The following HIP1 variants were observed in gnomAD, a reference collection of about 807,000 sequenced individuals.
HIP1 encodes huntingtin interacting protein 1.
Under a neutral mutation model 147.6 loss-of-function variants are expected in HIP1, and 65 were observed. That is an observed-to-expected ratio of 0.44 (90% confidence interval 0.36 to 0.54). HIP1 has a LOEUF of 0.54. Among genes scored for constraint, HIP1 ranks in the 20% least tolerant of loss-of-function variants. The pLI is 0.00. For missense variants in HIP1, 1,061 were observed against 1,299.6 expected, an observed-to-expected ratio of 0.82 and a Z score of 2.82; for synonymous variants, 479 against 504.0, an observed-to-expected ratio of 0.95 and a Z score of 0.67.
chr7:75,592,228 G>GA, intron 3 of HIP1, 116 bp from the exon 4 acceptor site: 1 of 1,369,216 alleles, frequency 7.3e-7, no homozygotes, highest in African/African-American at 1.4e-5. Flanking sequence ...TGATGGGAGG[G>GA]AGACTCACCC....
At chr7:75,609,787 A>G (rs2117050268) in intron 1 of HIP1, among the ~76,000 whole-genome samples, 1 of 151,140 alleles carries the variant, frequency 6.6e-6, no homozygotes, top group East Asian at 1.9e-4. Context: ...CGATCTCTTG[A>G]CCTCATGATC....
At chr7:75,561,219 G>A in intron 13 of HIP1, 110 bp downstream of exon 13, 1 of 858,970 alleles carries the variant, frequency 1.2e-6, no homozygotes, top group Non-Finnish European at 2.0e-6. Context: ...CTCCCAAAGT[G>A]CTAGGATTAC....
At chr7:75,553,730 C>A in intron 21 of HIP1, 141 bp from the exon 22 acceptor site, 1 of 756,230 alleles carries the variant, frequency 1.3e-6, no homozygotes, top group Non-Finnish European at 2.1e-6. Context: ...CTCGGCCTCC[C>A]AAGTAGCTGG....
chr7:75,539,506 G>T lies in HIP1; in HGVS notation c.2953-75C>A, dbSNP rs587596240. 28 of 1,228,726 alleles carry T rather than the reference G, an allele frequency of 2.3e-5. No homozygotes were observed. The African/African-American group carries it at 4.1e-4, about 18-fold the overall frequency. 76.1% of individuals were successfully genotyped at this position (1,228,726 alleles called of 1,614,324 possible). On this transcript the variant is annotated intron_variant, in intron 29 of 30. Coordinates refer to ENST00000336926, the MANE Select transcript of HIP1 (RefSeq NM_005338.7). ...TAATTTTTATTTATTTTTTTATAGA[G>T]ATGGGGTCTTGTTCTGCTGCCCAGG...
chr7:75,636,016 C>A (rs1455514705), intron 1 of HIP1, among the ~76,000 whole-genome samples: 5 of 133,638 alleles, frequency 3.7e-5, no homozygotes, highest in African/African-American at 5.6e-5. Flanking sequence ...CAGAACAAGA[C>A]CCTGTCTCAA....
chr7:75,653,478 C>T (rs181868624), intron 1 of HIP1, among the ~76,000 whole-genome samples: 7 of 151,662 alleles, frequency 4.6e-5, no homozygotes, highest in Non-Finnish European at 8.8e-5. Context: ...CATAGTGAGA[C>T]CCCCATCTCT....
chr7:75,640,645 CG>C (rs1169529500), intron 1 of HIP1, among the ~76,000 whole-genome samples: 1 of 151,598 alleles, frequency 6.6e-6, no homozygotes, highest in Non-Finnish European at 1.5e-5. Context: ...CCCAGCTACT[CG>C]GGAGGCTGAG....
intron 1 of HIP1, among the ~76,000 whole-genome samples, chr7:75,641,699 G>A (rs145429858): frequency 0.012 from 1,853 of 151,990 alleles, 39 homozygotes; most frequent in African/African-American, 0.043. Context: ...GTTTCTCCAT[G>A]TTGGTCAGGC....
chr7:75,727,422 A>G lies in HIP1; in HGVS notation c.120+11379T>C, dbSNP rs529565056. Among the ~76,000 whole-genome samples, 83 of 148,212 alleles carry G rather than the reference A, an allele frequency of 5.6e-4. 2 individuals are homozygous for G. In the South Asian group the frequency reaches 0.017, roughly 29 times the overall value. ...TTTCTTTCTTTCTTTTTTTTTTTTT[A>G]AAGTTTTTTGTTTGTTTCTCTTAAA... On this transcript the variant is annotated intron_variant, in intron 1 of 30. Coordinates refer to ENST00000336926, the MANE Select transcript of HIP1 (RefSeq NM_005338.7).
chr7:75,719,693 T>C (rs1402240299), intron 1 of HIP1, among the ~76,000 whole-genome samples: 1 of 152,026 alleles, frequency 6.6e-6, no homozygotes, highest in East Asian at 1.9e-4. Context: ...AGTGCTGGGA[T>C]TAAAGCATGA....
intron 1 of HIP1, among the ~76,000 whole-genome samples, chr7:75,718,681 T>G (rs1801396149): frequency 6.6e-6 from 1 of 152,192 alleles, no homozygotes; most frequent in Non-Finnish European, 1.5e-5. Flanking sequence ...TCCCTCATCA[T>G]TTTAGTTGTC....
At chr7:75,707,473 TG>T (rs1801037495) in intron 1 of HIP1, among the ~76,000 whole-genome samples, 1 of 128,968 alleles carries the variant, frequency 7.8e-6, no homozygotes, top group Non-Finnish European at 1.6e-5. Context: ...CACTTTTTGA[TG>T]GGGTTGTTTG....
chr7:75,706,623 A>ATTTTTTTTT (rs71082342), intron 1 of HIP1, among the ~76,000 whole-genome samples: 4 of 103,618 alleles, frequency 3.9e-5, no homozygotes, highest in Admixed American at 1.1e-4. Flanking sequence ...TCAACTCGTC[A>ATTTTTTTTT]TTTTTTTTTT....
At position 75,667,148 on chromosome 7, in the gene HIP1, T is replaced by C. The variant is rs151291091; in HGVS notation, c.121-67901A>G. The stretch of plus-strand genomic sequence containing the variant: ...TAACATAATTAACAGGAAAAAAATG[T>C]TATTTAAAATAGCCACTGGGATGGG... On this transcript the variant is annotated intron_variant, in intron 1 of 30. Transcript: ENST00000336926. Among the ~76,000 whole-genome samples, 490 of 152,240 alleles carry C rather than the reference T, an allele frequency of 3.2e-3. 2 individuals are homozygous for C. Among genetic ancestry groups the C allele is most frequent in the Non-Finnish European group, 4.2e-3 (288 of 68,016 alleles).
rs3801476 is a variant in HIP1, at chr7:75,537,186, G to A, written c.*986C>T. The A allele has an allele frequency of 3.7e-4, 87 of 232,900 alleles. No homozygotes were observed. The East Asian group carries it at 4.3e-3, about 12-fold the overall frequency. 14.4% of individuals were successfully genotyped at this position (232,900 alleles called of 1,614,324 possible). A position where few individuals can be genotyped will look rare whatever the true frequency, so the allele number is the denominator to read the frequency against. On this transcript the variant is annotated 3_prime_UTR_variant, in exon 31 of 31. Coordinates refer to ENST00000336926, the MANE Select transcript of HIP1 (RefSeq NM_005338.7). Reference sequence around the variant, plus strand: ...GCATGTGATCAAGTTTTTGAGCCTCGTCACGGGAACTGGGCTGTGTGAACC... The same window carrying A: ...GCATGTGATCAAGTTTTTGAGCCTCATCACGGGAACTGGGCTGTGTGAACC...
At position 75,622,849 on chromosome 7, in the gene HIP1, TTATCTATCTATCTATC is replaced by T. The variant is rs57401190; in HGVS notation, c.121-23618_121-23603del. 3.2e-3 allele frequency among the ~76,000 whole-genome samples: 464 copies of T among 146,344 alleles called. 2 individuals are homozygous for T. The highest frequency in any genetic ancestry group is 9.3e-3 in the African/African-American group (369 of 39,602). On this transcript the variant is annotated intron_variant, in intron 1 of 30. Coordinates refer to ENST00000336926, the MANE Select transcript of HIP1 (RefSeq NM_005338.7). ...CAGAGCAAGATTGTCAAATAAATAA[TTATCTATCTATCTATC>T]TATCTATCTATCTATCTATCTATCT... is the stretch of plus-strand genomic sequence containing the variant.
rs587723723 is a variant in HIP1, at chr7:75,628,261, A to T, written c.121-29014T>A. 2.6e-5 allele frequency among the ~76,000 whole-genome samples: 4 copies of T among 152,270 alleles called. No homozygotes were observed. The East Asian group carries it at 7.7e-4, about 29-fold the overall frequency. On this transcript the variant is annotated intron_variant, in intron 1 of 30. Transcript: ENST00000336926. ...AAGTATCCCAAGTGCTTGGAACAGC[A>T]CCTGGCATATGGAAGACACTCTATA... is the stretch of plus-strand genomic sequence containing the variant.
At chr7:75,573,939 A>AG in intron 7 of HIP1, 38 bp from the exon 8 acceptor site, 1 of 1,585,250 alleles carries the variant, frequency 6.3e-7, no homozygotes, top group East Asian at 2.3e-5. Context: ...TGGTAGAGCC[A>AG]GGGGATTACA....
chr7:75,617,521 C>G (rs985034818), intron 1 of HIP1, among the ~76,000 whole-genome samples: 1 of 152,142 alleles, frequency 6.6e-6, no homozygotes, highest in Admixed American at 6.6e-5. Flanking sequence ...CCAGCCTCAG[C>G]CTGGTTCCTT....
Sources: allele counts gnomAD v4.1 joint callset (sites outside exome capture counted in the v4.1 genomes callset), GRCh38; gene constraint gnomAD v4.1.1; transcripts MANE v1.5; gene names NCBI Gene and HGNC (gene_info 2026-07-23, HGNC 2026-07-21).